SLC16A1: variants seen among roughly 807,000 people sequenced by gnomAD.
The protein encoded by SLC16A1 is solute carrier family 16 member 1.
SLC16A1 carries 11 observed loss-of-function variants against 32.2 expected under a neutral mutation model. The observed-to-expected ratio is 0.34, with a 90% CI of 0.21 to 0.56. The LOEUF (loss-of-function observed/expected upper bound fraction) is 0.56. Among genes scored for constraint, SLC16A1 ranks in the 20% least tolerant of loss-of-function variants. SLC16A1 has a pLI of 0.87. For synonymous variants in SLC16A1, 231 were observed against 226.8 expected (o/e 1.02, Z -0.17); for missense variants, 435 against 615.0 (o/e 0.71, Z 3.10).
rs1394539202 is a variant in SLC16A1, at chr1:112,924,434, T to C, written c.218-2301A>G. On this transcript the variant is annotated intron_variant, in intron 2 of 4. Transcript: ENST00000369626. ...AATTTAGAAGTGCCTCAGTAAATTC[T>C]TAGGGATGGAAGTATTTGGACAAAA... 3.3e-6 allele frequency: 3 copies of C among 915,902 alleles called. No homozygotes were observed. In the African/African-American group the frequency reaches 5.0e-5, roughly 15 times the overall value. The allele number at this position is 915,902 out of a possible 1,614,324, so 56.7% of individuals were successfully genotyped here. A position where few individuals can be genotyped will look rare whatever the true frequency, so the allele number is the denominator to read the frequency against.
chr1:112,927,309 CAAAT>C (rs952938637), intron 2 of SLC16A1, among the ~76,000 whole-genome samples: 6 of 150,848 alleles, frequency 4.0e-5, no homozygotes, highest in African/African-American at 1.5e-4. Context: ...AAAGGAAAAA[CAAAT>C]AAACAAACCA....
chr1:112,955,746 G>T (rs1650066209), intron 1 of SLC16A1: 4 of 152,282 alleles, frequency 2.6e-5, no homozygotes, highest in Admixed American at 1.3e-4. Flanking sequence ...CTTCCCCACC[G>T]TCACCGGGCA....
chr1:112,918,077 T>C, intron 3 of SLC16A1, 33 bp from the exon 4 acceptor site: 4 of 1,092,884 alleles, frequency 3.7e-6, no homozygotes, highest in Non-Finnish European at 4.7e-6. Flanking sequence ...AATAAATAAA[T>C]AAATAAATAA....
At chr1:112,922,499 C>T (rs529820108) in intron 2 of SLC16A1, 19 of 292,880 alleles carry the variant, frequency 6.5e-5, no homozygotes, top group Non-Finnish European at 8.5e-5. Flanking sequence ...AGTGGCTGGG[C>T]GCAGTAGCTC....
chr1:112,916,196 G>A lies in SLC16A1; in HGVS notation c.1228+982C>T, dbSNP rs554557093. ...CTTTTTTTTTTTTTTTTTGCTTTTT[G>A]TGTGTTTTTAAAAAATTTATGGATC... On this transcript the variant is annotated intron_variant, in intron 4 of 4. Coordinates refer to ENST00000369626, the MANE Select transcript of SLC16A1 (RefSeq NM_003051.4). Among the ~76,000 whole-genome samples the A allele has an allele frequency of 1.8e-4, 22 of 123,342 alleles. No homozygotes were observed. The South Asian group carries it at 2.8e-3, about 16-fold the overall frequency. 80.9% of individuals were successfully genotyped at this position (123,342 alleles called of 152,430 possible). A position where few individuals can be genotyped will look rare whatever the true frequency, so the allele number is the denominator to read the frequency against.
chr1:112,931,519 G>T (rs574985288), intron 1 of SLC16A1, among the ~76,000 whole-genome samples: 2 of 151,418 alleles, frequency 1.3e-5, no homozygotes, highest in Non-Finnish European at 2.9e-5. Context: ...GGTGGCATGC[G>T]ACTGTAGTCC....
intron 1 of SLC16A1, among the ~76,000 whole-genome samples, chr1:112,939,629 C>T (rs1043612960): frequency 6.6e-6 from 1 of 152,036 alleles, no homozygotes; most frequent in East Asian, 1.9e-4. Context: ...GTTCAGTCTC[C>T]TGAGTAGCTG....
chr1:112,922,012 GT>G lies in SLC16A1; in HGVS notation c.338del (p.Tyr113SerfsTer16). ...CACCTCCAATGACTCCAATACAGACGTATAGTTGCTGTACGGTGTTACAGAA... is the reference window on the plus strand; with the variant it reads ...CACCTCCAATGACTCCAATACAGACGATAGTTGCTGTACGGTGTTACAGAA... The part of the protein sequence containing the change: ...ASFCNTVQQL[Y>X]VCIGVIGGLG... On this transcript the variant is annotated frameshift_variant, in exon 3 of 5. Coordinates refer to ENST00000369626, the MANE Select transcript of SLC16A1 (RefSeq NM_003051.4). LOFTEE classifies it high-confidence loss of function. 6.2e-7 allele frequency: 1 copy of G among 1,614,120 alleles called. No individual in the cohort carries two copies. The highest frequency in any genetic ancestry group is 8.5e-7 in the Non-Finnish European group (1 of 1,180,010).
At chr1:112,932,280 A>G (rs1413610156) in intron 1 of SLC16A1, among the ~76,000 whole-genome samples, 2 of 152,246 alleles carry the variant, frequency 1.3e-5, no homozygotes, top group East Asian at 3.8e-4. Flanking sequence ...CACACTTATA[A>G]TTCCAATGCT....
intron 1 of SLC16A1, among the ~76,000 whole-genome samples, chr1:112,942,952 G>A (rs1054328678): frequency 4.0e-5 from 6 of 151,168 alleles, no homozygotes; most frequent in African/African-American, 7.4e-5. Context: ...ATATATGCAC[G>A]CACTTGTGTG....
chr1:112,931,240 T>C (rs1649117076), intron 1 of SLC16A1, among the ~76,000 whole-genome samples: 1 of 152,196 alleles, frequency 6.6e-6, no homozygotes, highest in South Asian at 2.1e-4. Context: ...AAGTTTCCTT[T>C]TATCTTAATA....
intron 1 of SLC16A1, among the ~76,000 whole-genome samples, chr1:112,939,013 C>A (rs1649409265): frequency 6.6e-6 from 1 of 151,710 alleles, no homozygotes; most frequent in African/African-American, 2.4e-5. Flanking sequence ...GCCTCAGCCT[C>A]CTCAGTAGCT....
intron 1 of SLC16A1, among the ~76,000 whole-genome samples, chr1:112,941,961 G>A (rs1487342769): frequency 1.3e-5 from 2 of 151,936 alleles, no homozygotes; most frequent in Non-Finnish European, 2.9e-5. Flanking sequence ...GTCCACTGCA[G>A]TTCAAGTATG....
chr1:112,939,739 A>G (rs1157397859), intron 1 of SLC16A1, among the ~76,000 whole-genome samples: 1 of 151,716 alleles, frequency 6.6e-6, no homozygotes, highest in Non-Finnish European at 1.5e-5. Flanking sequence ...TCCTGACCTC[A>G]GGTGATCCAC....
chr1:112,950,613 C>T lies in SLC16A1; in HGVS notation c.-45+5422G>A, dbSNP rs182382740. Among the ~76,000 whole-genome samples the T allele has an allele frequency of 5.3e-4, 80 of 152,310 alleles. 1 individual carries two copies. The highest frequency in any genetic ancestry group is 6.8e-3 in the Middle Eastern group (2 of 294). On this transcript the variant is annotated intron_variant, in intron 1 of 4. Coordinates refer to ENST00000369626, the MANE Select transcript of SLC16A1 (RefSeq NM_003051.4). ...ACTCTGCAGGACAAATGGTCAGTGACACCCTTCAATGGCTCAGCCCATGCA... is the reference window on the plus strand; with the variant it reads ...ACTCTGCAGGACAAATGGTCAGTGATACCCTTCAATGGCTCAGCCCATGCA...
chr1:112,914,618 T>A (rs1258476730), intron 4 of SLC16A1, among the ~76,000 whole-genome samples: 2 of 152,228 alleles, frequency 1.3e-5, no homozygotes, highest in Non-Finnish European at 2.9e-5. Context: ...AAAAGCAATA[T>A]CTTACACCCA....
At chr1:112,941,977 C>CT (rs148699889) in intron 1 of SLC16A1, among the ~76,000 whole-genome samples, 63 of 148,090 alleles carry the variant, frequency 4.3e-4, no homozygotes, top group African/African-American at 8.4e-4. Flanking sequence ...GTATGACCCC[C>CT]TTTTTTTTTT....
intron 2 of SLC16A1, chr1:112,923,823 A>T (rs1210266512): frequency 3.3e-6 from 5 of 1,498,468 alleles, no homozygotes; most frequent in South Asian, 1.1e-5. Flanking sequence ...CCTCTGCAAG[A>T]GCAATGGCTG....
intron 1 of SLC16A1, among the ~76,000 whole-genome samples, chr1:112,931,116 T>C (rs1288423406): frequency 6.6e-6 from 1 of 152,126 alleles, no homozygotes; most frequent in African/African-American, 2.4e-5. Context: ...ATGGCTGACT[T>C]AACATACTAG....
Sources: allele counts gnomAD v4.1 joint callset (sites outside exome capture counted in the v4.1 genomes callset), GRCh38; gene constraint gnomAD v4.1.1; transcripts MANE v1.5; gene names NCBI Gene and HGNC (gene_info 2026-07-23, HGNC 2026-07-21).